The following MTUS1 variants were observed in gnomAD, a reference collection of about 807,000 sequenced individuals.
MTUS1 encodes the protein microtubule-associated tumor suppressor 1.
A neutral mutation model predicts 120.8 loss-of-function variants in MTUS1; 109 were observed. That is an observed-to-expected ratio of 0.90 (90% CI 0.77 to 1.06). The LOEUF (loss-of-function observed/expected upper bound fraction) is 1.06, where lower values mean the gene tolerates loss of function less well. MTUS1 is among the 50% of genes least tolerant of loss of function. The pLI is 0.00. For missense variants in MTUS1, 2,210 were observed against 1,486.3 expected (o/e 1.49, Z -8.01); for synonymous variants, 737 against 550.5 (o/e 1.34, Z -4.74).
At chr8:17,794,497 G>A (rs2052060393) in intron 1 of MTUS1, among the ~76,000 whole-genome samples, 2 of 152,094 alleles carry the variant, frequency 1.3e-5, no homozygotes, top group South Asian at 2.1e-4. Flanking sequence ...AATACAACAC[G>A]TGAATTTTTC....
In MTUS1 at chr8:17,731,173, C is replaced by G. The variant is rs190767996; in HGVS notation, c.2288-7340G>C. ...GGTATCTTAAATCAGCAAAAACATA[C>G]TTATTTGTGGTATTAAGATATTTGA... is the stretch of plus-strand genomic sequence containing the variant. On this transcript the variant is annotated intron_variant, in intron 3 of 14. Transcript: ENST00000693296. Among the ~76,000 whole-genome samples, 11 of 152,214 alleles carry G rather than the reference C, an allele frequency of 7.2e-5. No individual in the cohort carries two copies. The East Asian group carries it at 1.7e-3, about 24-fold the overall frequency.
At chr8:17,739,368 C>T (rs2047150828) in intron 3 of MTUS1, among the ~76,000 whole-genome samples, 1 of 151,928 alleles carries the variant, frequency 6.6e-6, no homozygotes, top group Non-Finnish European at 1.5e-5. Context: ...TGGTTCATGC[C>T]TGTAATCCCA....
In MTUS1 at chr8:17,755,366, A is replaced by C. The variant is rs3739407; in HGVS notation, c.442T>G (p.Cys148Gly). The C allele has an allele frequency of 1.9e-6, 3 of 1,613,998 alleles. No homozygotes were observed. Among genetic ancestry groups the C allele is most frequent in the East Asian group, 2.2e-5 (1 of 44,860 alleles). Residue 148 changes from cysteine (C) to glycine (G), a missense_variant, in exon 2 of 15, where the codon TGT (cysteine) becomes GGT (glycine). By Grantham distance (159) the Cys-to-Gly change is radical. Transcript: ENST00000693296. ...FVWKPNDNLN[C>G]AGYCDALELN... ...TCCAAGGCATCACAGTAGCCTGCAC[A>C]GTTCAAATTGTCATTAGGCTTCCAC...
chr8:17,779,180 G>C (rs550368506), intron 1 of MTUS1, among the ~76,000 whole-genome samples: 3 of 152,318 alleles, frequency 2.0e-5, no homozygotes, highest in Admixed American at 6.5e-5. Flanking sequence ...TGTCATTACA[G>C]CAGTAGTTAA....
chr8:17,800,915 T>A (rs1450931062), intron 1 of MTUS1, 146 bp downstream of exon 1: 1 of 152,336 alleles, frequency 6.6e-6, no homozygotes, highest in East Asian at 2.0e-4. Context: ...TGCCGCCCCC[T>A]TTAGCCCTCA....
chr8:17,679,658 T>C (rs997432380), intron 7 of MTUS1, among the ~76,000 whole-genome samples: 60 of 152,104 alleles, frequency 3.9e-4, no homozygotes, highest in African/African-American at 1.4e-3. Context: ...CATGCCACCA[T>C]GCCTGGCTAA....
At chr8:17,676,684 A>G (rs1455106232) in intron 7 of MTUS1, among the ~76,000 whole-genome samples, 6 of 152,168 alleles carry the variant, frequency 3.9e-5, no homozygotes. Context: ...TGCATGGATA[A>G]TGGAGTTATT....
At chr8:17,728,793 G>A (rs2046378491) in intron 3 of MTUS1, among the ~76,000 whole-genome samples, 1 of 152,088 alleles carries the variant, frequency 6.6e-6, no homozygotes, top group African/African-American at 2.4e-5. Context: ...GGGGGGGTCG[G>A]GGAGGGTGAG....
intron 1 of MTUS1, among the ~76,000 whole-genome samples, chr8:17,756,671 A>AACCCCCCCCC (rs2048636698): frequency 1.4e-4 from 17 of 117,536 alleles, no homozygotes; most frequent in South Asian, 3.9e-4. Context: ...TCAAGCCCAA[A>AACCCCCCCCC]CCCCCACCCC....
chr8:17,790,599 C>T (rs1350711425), intron 1 of MTUS1, among the ~76,000 whole-genome samples: 1 of 152,206 alleles, frequency 6.6e-6, no homozygotes, highest in East Asian at 1.9e-4. Context: ...TGGCTTACAA[C>T]ATTTAACATT....
At chr8:17,761,367 T>A (rs2049026264) in intron 1 of MTUS1, among the ~76,000 whole-genome samples, 1 of 152,190 alleles carries the variant, frequency 6.6e-6, no homozygotes, top group Non-Finnish European at 1.5e-5. Flanking sequence ...TATCATATAA[T>A]AGAATTCATC....
At chr8:17,679,078 T>C (rs944436067) in intron 7 of MTUS1, among the ~76,000 whole-genome samples, 3 of 152,210 alleles carry the variant, frequency 2.0e-5, no homozygotes, top group East Asian at 3.8e-4. Context: ...GGGAAACTTA[T>C]AGTTACTAAG....
chr8:17,728,756 G>C (rs1366862572), intron 3 of MTUS1, among the ~76,000 whole-genome samples: 3 of 147,016 alleles, frequency 2.0e-5, no homozygotes, highest in Non-Finnish European at 4.5e-5. Context: ...AAATGTTAGG[G>C]ATGGATATGG....
intron 6 of MTUS1, among the ~76,000 whole-genome samples, chr8:17,703,493 C>T (rs1004950118): frequency 1.3e-5 from 2 of 151,880 alleles, no homozygotes; most frequent in Admixed American, 1.3e-4. Flanking sequence ...CTTTGCCTAG[C>T]GTGGTGGTGC....
chr8:17,723,369 T>G lies in MTUS1; in HGVS notation c.2449+303A>C, dbSNP rs1052996792. 3.0e-5 allele frequency: 12 copies of G among 394,660 alleles called. 1 individual carries two copies. Among genetic ancestry groups the G allele is most frequent in the African/African-American group, 2.4e-4 (12 of 49,630 alleles). 24.4% of individuals were successfully genotyped at this position (394,660 alleles called of 1,614,324 possible). The stretch of plus-strand genomic sequence containing the variant: ...GTAAATGAAACTGAAATAATCTTTT[T>G]TTCTGATTCCAGTTAGAGTCCAAAT... On this transcript the variant is annotated intron_variant, in intron 4 of 14. Coordinates refer to ENST00000693296, the MANE Select transcript of MTUS1 (RefSeq NM_001363059.2).
chr8:17,779,108 A>T (rs2050679115), intron 1 of MTUS1, among the ~76,000 whole-genome samples: 1 of 152,184 alleles, frequency 6.6e-6, no homozygotes, highest in South Asian at 2.1e-4. Flanking sequence ...CAAGTCACAC[A>T]AGCTTAGACC....
chr8:17,648,886 T>C (rs1806387601), intron 13 of MTUS1, among the ~76,000 whole-genome samples: 1 of 152,250 alleles, frequency 6.6e-6, no homozygotes, highest in Non-Finnish European at 1.5e-5. Context: ...CGGGGATCAC[T>C]TAAGCTGCCT....
chr8:17,753,317 C>A (rs1478802007), intron 2 of MTUS1, among the ~76,000 whole-genome samples: 1 of 152,126 alleles, frequency 6.6e-6, no homozygotes, highest in South Asian at 2.1e-4. Flanking sequence ...ACATGTTTAC[C>A]AGCACTCCCA....
intron 9 of MTUS1, among the ~76,000 whole-genome samples, chr8:17,655,657 G>C (rs141385356): frequency 1.3e-5 from 2 of 152,272 alleles, no homozygotes; most frequent in East Asian, 3.9e-4. Flanking sequence ...CCGGGAGGCA[G>C]AGGCTGCAGT....
Sources: gnomAD v4.1 joint callset for allele counts (sites outside exome capture counted in the v4.1 genomes callset) on GRCh38, gnomAD v4.1.1 for gene constraint, MANE v1.5 for transcripts, NCBI Gene and HGNC (gene_info 2026-07-23, HGNC 2026-07-21) for gene names.